PDE10A: variants seen among roughly 807,000 people sequenced by gnomAD.
The protein encoded by PDE10A is phosphodiesterase 10A.
PDE10A carries 39 observed loss-of-function variants against 97.7 expected under a neutral mutation model. That is an observed-to-expected ratio of 0.40 (90% CI 0.31 to 0.52). PDE10A has a LOEUF of 0.52. Ranked by LOEUF, PDE10A falls within the 20% of genes least tolerant of loss-of-function variation. The pLI, the probability that PDE10A is intolerant of heterozygous loss-of-function variation, is 0.56. For missense variants in PDE10A, 731 were observed against 1,047.8 expected, an observed-to-expected ratio of 0.70 and a Z score of 4.17; for synonymous variants, 371 against 376.8, an observed-to-expected ratio of 0.98 and a Z score of 0.18.
chr6:165,847,015 C>T (rs1228679336), intron 1 of PDE10A, among the ~76,000 whole-genome samples: 1 of 152,224 alleles, frequency 6.6e-6, no homozygotes, highest in Non-Finnish European at 1.5e-5. Context: ...CTGCAAGACA[C>T]ACGTTAGGGC....
intron 1 of PDE10A, among the ~76,000 whole-genome samples, chr6:165,803,476 G>A (rs555164995): frequency 6.6e-6 from 1 of 152,198 alleles, no homozygotes; most frequent in Non-Finnish European, 1.5e-5. Flanking sequence ...TGGTGGGAAA[G>A]AAAAAACTTA....
intron 1 of PDE10A, among the ~76,000 whole-genome samples, chr6:165,883,759 T>G (rs1781553798): frequency 6.6e-6 from 1 of 151,902 alleles, no homozygotes; most frequent in Non-Finnish European, 1.5e-5. Context: ...AGGTGTGTGA[T>G]CCCAGCAATC....
intron 9 of PDE10A, 24 bp downstream of exon 9, chr6:165,430,253 ATAAGAGCTAC>A: frequency 6.7e-7 from 1 of 1,487,002 alleles, no homozygotes; most frequent in Non-Finnish European, 9.3e-7. Context: ...CCATTGATTA[ATAAGAGCTAC>A]TATCCCTAGA....
chr6:165,823,206 G>A (rs1779622482), intron 1 of PDE10A, among the ~76,000 whole-genome samples: 1 of 151,388 alleles, frequency 6.6e-6, no homozygotes, highest in Non-Finnish European at 1.5e-5. Flanking sequence ...CAAACATGCT[G>A]TACAAAATAT....
At chr6:165,433,932 G>A (rs1346817562) in intron 6 of PDE10A, among the ~76,000 whole-genome samples, 1 of 150,272 alleles carries the variant, frequency 6.7e-6, no homozygotes, top group East Asian at 2.0e-4. Flanking sequence ...CAGGAGAATG[G>A]CGTGAACCCG....
chr6:165,342,149 C>A (rs1353498484), intron 19 of PDE10A, among the ~76,000 whole-genome samples: 2 of 150,976 alleles, frequency 1.3e-5, no homozygotes, highest in Admixed American at 6.6e-5. Context: ...CGACTAGTAT[C>A]TACATATATT....
intron 1 of PDE10A, among the ~76,000 whole-genome samples, chr6:165,690,922 C>T (rs1294900839): frequency 1.3e-5 from 2 of 152,088 alleles, no homozygotes; most frequent in African/African-American, 4.8e-5. Flanking sequence ...CTGGTGGGGG[C>T]CACTGCTCTC....
At chr6:165,794,444 TCACA>T (rs1171109710) in intron 1 of PDE10A, among the ~76,000 whole-genome samples, 5 of 151,294 alleles carry the variant, frequency 3.3e-5, no homozygotes, top group South Asian at 2.1e-4. Context: ...TCACTTGTAC[TCACA>T]CACTCACATG....
At chr6:165,392,033 A>T (rs994188077) in intron 16 of PDE10A, among the ~76,000 whole-genome samples, 4 of 152,176 alleles carry the variant, frequency 2.6e-5, no homozygotes, top group Non-Finnish European at 5.9e-5. Flanking sequence ...GATTGTCCAG[A>T]TGTAGAATCA....
At chr6:165,682,168 G>C (rs758726253) in intron 1 of PDE10A, among the ~76,000 whole-genome samples, 4 of 152,126 alleles carry the variant, frequency 2.6e-5, no homozygotes, top group Non-Finnish European at 4.4e-5. Flanking sequence ...GTCTCACTCT[G>C]TCACCCAGGC....
rs542777924 is a variant in PDE10A at position 165,700,508 on chromosome 6, G to C, written c.-614-156940C>G. ...AAATCTTTTTTTCAAAAATGATCTT[G>C]TCACTTGGAGGCTTCTGACAGTAGC... is the stretch of plus-strand genomic sequence containing the variant. On this transcript the variant is annotated intron_variant, in intron 1 of 19. Transcript: ENST00000366882. Among the ~76,000 whole-genome samples the C allele has an allele frequency of 1.1e-4, 16 of 152,258 alleles. 1 individual carries two copies. In the South Asian group the frequency reaches 3.1e-3, roughly 30 times the overall value.
Position 165,330,625 on chromosome 6 carries a change from A to T in PDE10A, c.*2400T>A, listed in dbSNP as rs1781288237. 5 of 152,314 alleles carry T rather than the reference A, an allele frequency of 3.3e-5. No individual in the cohort carries two copies. The South Asian group carries it at 1.0e-3, about 32-fold the overall frequency. The allele number at this position is 152,314 out of a possible 1,614,324, so 9.4% of individuals were successfully genotyped here. ...GTAAATCCAATCACATTCCTTTGGG[A>T]AACTGTTCTAAATAGAGATTACATA... On this transcript the variant is annotated 3_prime_UTR_variant, in exon 22 of 22. Coordinates refer to ENST00000539869, the MANE Select transcript of PDE10A (RefSeq NM_001385079.1).
At chr6:165,964,524 A>G (rs1020697824) in intron 1 of PDE10A, among the ~76,000 whole-genome samples, 1 of 152,160 alleles carries the variant, frequency 6.6e-6, no homozygotes, top group African/African-American at 2.4e-5. Flanking sequence ...TGCCCAGCCA[A>G]TTCTACTTAG....
intron 1 of PDE10A, among the ~76,000 whole-genome samples, chr6:165,595,505 G>C (rs1414889161): frequency 6.6e-6 from 1 of 152,166 alleles, no homozygotes; most frequent in Admixed American, 6.5e-5. Context: ...GTTTGCCCAT[G>C]TTCCATTATC....
chr6:165,731,265 A>G (rs1352306612), intron 1 of PDE10A, among the ~76,000 whole-genome samples: 1 of 152,120 alleles, frequency 6.6e-6, no homozygotes, highest in Non-Finnish European at 1.5e-5. Flanking sequence ...GAGTCAAAAC[A>G]CACTGAGCCC....
intron 1 of PDE10A, among the ~76,000 whole-genome samples, chr6:165,796,484 A>C (rs1175081219): frequency 6.6e-6 from 1 of 152,218 alleles, no homozygotes; most frequent in Non-Finnish European, 1.5e-5. Flanking sequence ...CCAAAATGGC[A>C]GAGCCAAGAC....
intron 1 of PDE10A, among the ~76,000 whole-genome samples, chr6:165,610,486 G>A (rs111227137): frequency 4.0e-5 from 6 of 148,438 alleles, no homozygotes; most frequent in Non-Finnish European, 8.9e-5. Flanking sequence ...AGCTGAGATC[G>A]CGCCACTGCA....
intron 18 of PDE10A, 105 bp downstream of exon 18, chr6:165,379,089 A>T: frequency 2.4e-4 from 152 of 646,110 alleles, no homozygotes; most frequent in Non-Finnish European, 3.6e-4. Flanking sequence ...AATTTTTTAC[A>T]TTCCTTCTTT....
At chr6:165,351,155 T>G (rs914074896) in intron 18 of PDE10A, among the ~76,000 whole-genome samples, 1 of 182 alleles carries the variant, frequency 5.5e-3, no homozygotes, top group Non-Finnish European at 8.8e-3. Context: ...GAAACACACA[T>G]GACAATGACT....
Sources: gnomAD v4.1 joint callset for allele counts (sites outside exome capture counted in the v4.1 genomes callset) on GRCh38, gnomAD v4.1.1 for gene constraint, MANE v1.5 for transcripts, NCBI Gene and HGNC (gene_info 2026-07-23, HGNC 2026-07-21) for gene names.